Variants in TENM2 observed in about 807,000 individuals in gnomAD.
TENM2 encodes teneurin-2.
TENM2 carries 52 observed loss-of-function variants against 245.2 expected under a neutral mutation model. The observed-to-expected ratio is 0.21, with a 90% CI of 0.17 to 0.27. The LOEUF (loss-of-function observed/expected upper bound fraction) is 0.27, where lower values mean the gene tolerates loss of function less well. Ranked by LOEUF, TENM2 falls within the 10% of genes least tolerant of loss-of-function variation. TENM2 has a pLI of 1.00. For missense variants in TENM2, 3,046 were observed against 3,666.8 expected (o/e 0.83, Z 4.37); for synonymous variants, 1,363 against 1,438.9 (o/e 0.95, Z 1.19).
chr5:167,990,355 T>C (rs1029405268), intron 4 of TENM2, among the ~76,000 whole-genome samples: 1 of 152,206 alleles, frequency 6.6e-6, no homozygotes, highest in Non-Finnish European at 1.5e-5. Flanking sequence ...TAAAAGCTAC[T>C]CACATGGGCT....
chr5:168,236,971 TATATATATATATATATATA>T lies in TENM2; in HGVS notation c.5521-7448_5521-7430del. ...ATATATATATATATATATATATATA[TATATATATATATATATATA>T]TATATATATATTTTTTTTTTTTTTT... On this transcript the variant is annotated intron_variant, in intron 25 of 28. Transcript: ENST00000518659. Among the ~76,000 whole-genome samples, 2 of 8,014 alleles carry T rather than the reference TATATATATATATATATATA, an allele frequency of 2.5e-4. 1 individual carries two copies. Among genetic ancestry groups the T allele is most frequent in the Non-Finnish European group, 4.6e-4 (2 of 4,380 alleles). The allele number at this position is 8,014 out of a possible 152,430, so 5.3% of individuals were successfully genotyped here. A position where few individuals can be genotyped will look rare whatever the true frequency, so the allele number is the denominator to read the frequency against.
At chr5:166,999,286 A>C in the TENM2 span, among the ~76,000 whole-genome samples, 46,656 of 151,982 alleles carry the variant, frequency 0.31, 9,351 homozygotes, top group African/African-American at 0.56. Context: ...TGGATACAAG[A>C]AGTGAAGGAA....
chr5:167,032,552 G>A, the TENM2 span, among the ~76,000 whole-genome samples: 1 of 152,168 alleles, frequency 6.6e-6, no homozygotes, highest in Non-Finnish European at 1.5e-5. Context: ...ACACAGCTAT[G>A]AATATTGTAA....
intron 2 of TENM2, among the ~76,000 whole-genome samples, chr5:167,463,469 G>A (rs1766448848): frequency 1.3e-5 from 2 of 152,006 alleles, no homozygotes; most frequent in South Asian, 4.2e-4. Flanking sequence ...GTGTATGTGA[G>A]TATTTTTTGA....
At chr5:167,530,886 C>T (rs1426641181) in intron 2 of TENM2, among the ~76,000 whole-genome samples, 2 of 152,170 alleles carry the variant, frequency 1.3e-5, no homozygotes, top group Non-Finnish European at 2.9e-5. Context: ...CCGCTAGAAG[C>T]CCAGGAGCAA....
chr5:167,014,381 G>C, the TENM2 span, among the ~76,000 whole-genome samples: 1 of 152,034 alleles, frequency 6.6e-6, no homozygotes, highest in Non-Finnish European at 1.5e-5. Flanking sequence ...GTTAAATTCT[G>C]TGGGTCTCAA....
intron 23 of TENM2, among the ~76,000 whole-genome samples, chr5:168,219,929 C>A (rs1057297280): frequency 4.0e-5 from 6 of 150,818 alleles, no homozygotes; most frequent in African/African-American, 1.5e-4. Context: ...TGTTTGTATG[C>A]CAATGGTCTT....
At chr5:167,598,800 T>C (rs1255026548) in intron 2 of TENM2, among the ~76,000 whole-genome samples, 1 of 152,136 alleles carries the variant, frequency 6.6e-6, no homozygotes, top group Non-Finnish European at 1.5e-5. Flanking sequence ...ATGTTGGCAG[T>C]TATCAAAGTA....
chr5:167,171,523 G>C, the TENM2 span, among the ~76,000 whole-genome samples: 3 of 152,192 alleles, frequency 2.0e-5, no homozygotes, highest in Non-Finnish European at 4.4e-5. Flanking sequence ...AATCGACAAG[G>C]AGTGGTGAAC....
intron 3 of TENM2, among the ~76,000 whole-genome samples, chr5:167,883,502 T>C (rs1362624889): frequency 6.6e-6 from 1 of 152,176 alleles, no homozygotes; most frequent in African/African-American, 2.4e-5. Flanking sequence ...ACAATCAAGA[T>C]GGACAGGTAA....
intron 1 of TENM2, among the ~76,000 whole-genome samples, chr5:167,301,005 A>C (rs1003963797): frequency 6.6e-6 from 1 of 152,132 alleles, no homozygotes; most frequent in Non-Finnish European, 1.5e-5. Context: ...AGGCAAGGGA[A>C]CAGCCCTTGA....
At chr5:168,058,347 A>G (rs1300049096) in intron 6 of TENM2, among the ~76,000 whole-genome samples, 1 of 152,216 alleles carries the variant, frequency 6.6e-6, no homozygotes. Flanking sequence ...AGCTTAGAGA[A>G]CCTAGAGATG....
At chr5:167,553,117 G>T (rs1324846348) in intron 2 of TENM2, among the ~76,000 whole-genome samples, 1 of 152,242 alleles carries the variant, frequency 6.6e-6, no homozygotes, top group Non-Finnish European at 1.5e-5. Flanking sequence ...GATGAAGCTT[G>T]ATGGGATCAG....
intron 2 of TENM2, among the ~76,000 whole-genome samples, chr5:167,727,531 A>G (rs1482528232): frequency 6.6e-6 from 1 of 152,252 alleles, no homozygotes; most frequent in Admixed American, 6.5e-5. Flanking sequence ...GCTGAGGTAG[A>G]GAAATGGAGA....
chr5:168,203,823 G>A (rs1288049200), exon 18 of TENM2: 1 of 1,610,692 alleles, frequency 6.2e-7, no homozygotes, highest in East Asian at 2.2e-5. Flanking sequence ...CATCCTCAAT[G>A]TTAAAAGTGG....
chr5:168,029,692 A>C (rs1241747608), intron 5 of TENM2, among the ~76,000 whole-genome samples: 1 of 152,184 alleles, frequency 6.6e-6, no homozygotes, highest in Non-Finnish European at 1.5e-5. Context: ...ACTTTGAGCC[A>C]CTGTCTAAAA....
At position 167,375,187 on chromosome 5, in the gene TENM2, T is replaced by C. The variant is rs1343581928; in HGVS notation, c.227-11T>C. 4 of 1,549,300 alleles carry C rather than the reference T, an allele frequency of 2.6e-6. No homozygotes were observed. The highest frequency in any genetic ancestry group is 3.5e-6 in the Non-Finnish European group (4 of 1,146,456). ...AAATTTTAATCAGCTTCTCTGTCAC[T>C]GTCACCCTAGGAACCAACTTCACCC... On this transcript the variant is annotated splice_polypyrimidine_tract_variant and intron_variant, in intron 1 of 28. Coordinates refer to ENST00000518659, the Ensembl canonical transcript of TENM2.
the TENM2 span, among the ~76,000 whole-genome samples, chr5:167,071,387 A>G: frequency 6.6e-6 from 1 of 152,198 alleles, no homozygotes; most frequent in African/African-American, 2.4e-5. Flanking sequence ...TGTGTGATAT[A>G]AAGACAATAA....
intron 2 of TENM2, among the ~76,000 whole-genome samples, chr5:167,483,907 G>T (rs1767910323): frequency 6.6e-6 from 1 of 152,220 alleles, no homozygotes; most frequent in East Asian, 1.9e-4. Flanking sequence ...AAGTTTGGCA[G>T]TTTGACATTT....
Sources: gnomAD v4.1 joint callset for allele counts (sites outside exome capture counted in the v4.1 genomes callset) on GRCh38, gnomAD v4.1.1 for gene constraint, MANE v1.5 for transcripts, NCBI Gene and HGNC (gene_info 2026-07-23, HGNC 2026-07-21) for gene names.